The following AFAP1L1 variants were observed in gnomAD, a reference collection of about 807,000 sequenced individuals.
AFAP1L1 encodes actin filament associated protein 1 like 1, also known as actin filament-associated protein 1-like 1.
A neutral mutation model predicts 99.8 loss-of-function variants in AFAP1L1; 77 were observed. That is an observed-to-expected ratio of 0.77 (90% CI 0.64 to 0.93). The LOEUF is 0.93. Ranked by LOEUF, AFAP1L1 falls within the 40% of genes least tolerant of loss-of-function variation. The pLI is 0.00. For missense variants in AFAP1L1, 893 were observed against 996.8 expected (o/e 0.90, Z 1.40); for synonymous variants, 373 against 395.3 (o/e 0.94, Z 0.67).
chr5:149,316,087 A>G, intron 10 of AFAP1L1, 64 bp from the exon 11 acceptor site: 1 of 1,591,728 alleles, frequency 6.3e-7, no homozygotes, highest in Non-Finnish European at 8.6e-7. Flanking sequence ...AAAGGCCACA[A>G]GGAAGACTAA....
rs1252675625 is a variant in AFAP1L1 at position 149,341,475 on chromosome 5, T to C, written c.*1445T>C. On this transcript the variant is annotated 3_prime_UTR_variant, in exon 19 of 19. Transcript: ENST00000296721. ...TTGATTGCTCTGATTCTTGTTTTCCTTATCTGTGAAATGGGACTAACAATT... is the reference window on the plus strand; with the variant it reads ...TTGATTGCTCTGATTCTTGTTTTCCCTATCTGTGAAATGGGACTAACAATT... The C allele has an allele frequency of 1.3e-5, 2 of 152,242 alleles. No individual in the cohort carries two copies. Among genetic ancestry groups the C allele is most frequent in the Admixed American group, 1.3e-4 (2 of 15,288 alleles). The allele number at this position is 152,242 out of a possible 1,614,324, so 9.4% of individuals were successfully genotyped here.
At chr5:149,299,478 T>C (rs1756118465) in intron 1 of AFAP1L1, 31 bp from the exon 2 acceptor site, 1 of 1,612,862 alleles carries the variant, frequency 6.2e-7, no homozygotes, top group Non-Finnish European at 8.5e-7. Flanking sequence ...ACTGTGCAGC[T>C]GTGACTGTGC....
chr5:149,298,990 A>T (rs577449867), intron 1 of AFAP1L1, among the ~76,000 whole-genome samples: 1 of 152,344 alleles, frequency 6.6e-6, no homozygotes, highest in African/African-American at 2.4e-5. Context: ...AGGAGGGTTA[A>T]TGTTTAGTTT....
At chr5:149,327,004 A>G (rs1214144915) in intron 15 of AFAP1L1, among the ~76,000 whole-genome samples, 1 of 152,218 alleles carries the variant, frequency 6.6e-6, no homozygotes, top group Non-Finnish European at 1.5e-5. Context: ...AAAAGATACT[A>G]CAATATATTC....
intron 1 of AFAP1L1, among the ~76,000 whole-genome samples, chr5:149,297,411 A>G (rs1057489760): frequency 1.3e-5 from 2 of 152,014 alleles, no homozygotes; most frequent in African/African-American, 2.4e-5. Context: ...CCACTATCCC[A>G]TAGCTGCCAC....
intron 4 of AFAP1L1, 100 bp from the exon 5 acceptor site, chr5:149,302,318 A>G (rs1756248832): frequency 1.3e-6 from 1 of 750,146 alleles, no homozygotes; most frequent in African/African-American, 1.8e-5. Flanking sequence ...TCACATTCAC[A>G]CTGCCTCCTG....
chr5:149,310,014 G>A lies in AFAP1L1; in HGVS notation c.806G>A (p.Ser269Asn), dbSNP rs1756568655. ...CTGAGGTTGGCACTGGATACCTGCA[G>A]CATCATCTACGTGCCCAAGGACAGC... ...PHLRLALDTC[S>N]IIYVPKDSRH... Residue 269 changes from serine to asparagine, a missense_variant, in exon 8 of 19, where the codon AGC (serine) becomes AAC (asparagine). Ser to Asn is a conservative substitution (Grantham distance 46). Transcript: ENST00000296721. 4 of 1,614,238 alleles carry A rather than the reference G, an allele frequency of 2.5e-6. No individual in the cohort carries two copies. Among genetic ancestry groups the A allele is most frequent in the South Asian group, 1.1e-5 (1 of 91,076 alleles).
In AFAP1L1 at chr5:149,320,992, C is replaced by T. The variant is rs1401596053; in HGVS notation, c.1698+529C>T. The stretch of plus-strand genomic sequence containing the variant: ...ACCTGGAATGCTCCTGGCAGCATGC[C>T]CTGTGCTGTCTCCTCCCTCAGAAAG... On this transcript the variant is annotated intron_variant, in intron 14 of 18. Coordinates refer to ENST00000296721, the MANE Select transcript of AFAP1L1 (RefSeq NM_152406.4). This position sits in a 1 kb window ranked among gnomAD's most constrained non-coding sequence, Gnocchi z 4.0. Among the ~76,000 whole-genome samples, 1 of 152,216 alleles carries T rather than the reference C, an allele frequency of 6.6e-6. No homozygotes were observed. The highest frequency in any genetic ancestry group is 1.5e-5 in the Non-Finnish European group (1 of 68,052).
intron 2 of AFAP1L1, 83 bp from the exon 3 acceptor site, chr5:149,300,188 A>T: frequency 1.1e-6 from 1 of 915,586 alleles, no homozygotes; most frequent in Non-Finnish European, 1.7e-6. Context: ...ACTGTGTCCC[A>T]TGTGGGCTAG....
At chr5:149,332,645 G>A in intron 16 of AFAP1L1, 50 bp from the exon 17 acceptor site, 1 of 1,571,802 alleles carries the variant, frequency 6.4e-7, no homozygotes, top group African/African-American at 1.4e-5. Context: ...CAGATTCCCT[G>A]ACATTTCAGG....
At chr5:149,337,816 G>A (rs72838706) in intron 18 of AFAP1L1, among the ~76,000 whole-genome samples, 27,280 of 152,076 alleles carry the variant, frequency 0.18, 2,877 homozygotes, top group Middle Eastern at 0.39. Flanking sequence ...TAGGGTTGGA[G>A]CAATATACAC....
chr5:149,291,288 G>T (rs1267561587), intron 1 of AFAP1L1, among the ~76,000 whole-genome samples: 1 of 151,980 alleles, frequency 6.6e-6, no homozygotes, highest in Non-Finnish European at 1.5e-5. Flanking sequence ...CAACACTTTG[G>T]GAGGCTGAGG....
chr5:149,273,301 T>G (rs1305841303), intron 1 of AFAP1L1, among the ~76,000 whole-genome samples: 1 of 151,682 alleles, frequency 6.6e-6, no homozygotes, highest in African/African-American at 2.4e-5. Flanking sequence ...TCTGCCTGTT[T>G]GCTGTGCTGA....
intron 1 of AFAP1L1, among the ~76,000 whole-genome samples, chr5:149,285,914 C>G (rs546114905): frequency 6.6e-6 from 1 of 152,176 alleles, no homozygotes; most frequent in Non-Finnish European, 1.5e-5. Context: ...CACTTAGCCC[C>G]TCCCCAGTGC....
chr5:149,309,572 C>T (rs905931027), intron 7 of AFAP1L1, among the ~76,000 whole-genome samples: 1 of 152,162 alleles, frequency 6.6e-6, no homozygotes, highest in African/African-American at 2.4e-5. Flanking sequence ...AAACTATTGA[C>T]TTCCCAAGGC....
chr5:149,340,097 T>A lies in AFAP1L1; in HGVS notation c.*67T>A, dbSNP rs1375663745. 30 of 1,590,782 alleles carry A rather than the reference T, an allele frequency of 1.9e-5. No homozygotes were observed. The highest frequency in any genetic ancestry group is 1.7e-5 in the Non-Finnish European group (20 of 1,160,600). ...TCCACCTGAGGAAGAAATGCTTTTT[T>A]CACAAGGAGACACCAAGAGAAGACT... On this transcript the variant is annotated 3_prime_UTR_variant, in exon 19 of 19. Coordinates refer to ENST00000296721, the MANE Select transcript of AFAP1L1 (RefSeq NM_152406.4).
chr5:149,319,481 G>T (rs1731979766), intron 12 of AFAP1L1, 101 bp from the exon 13 acceptor site: 2 of 1,367,130 alleles, frequency 1.5e-6, no homozygotes, highest in African/African-American at 2.9e-5. Context: ...CGGGTACGTA[G>T]TCAGTACTTA....
chr5:149,308,946 A>T (rs940220354), intron 7 of AFAP1L1, among the ~76,000 whole-genome samples: 1 of 152,026 alleles, frequency 6.6e-6, no homozygotes, highest in Non-Finnish European at 1.5e-5. Flanking sequence ...AAAAAAAAAA[A>T]ACCAATGTTT....
At chr5:149,333,879 C>T (rs943493397) in intron 17 of AFAP1L1, among the ~76,000 whole-genome samples, 4 of 152,054 alleles carry the variant, frequency 2.6e-5, no homozygotes, top group Admixed American at 6.6e-5. Flanking sequence ...TATTATTCTT[C>T]CTCATAGCAC....
Sources: gnomAD v4.1 joint callset for allele counts (sites outside exome capture counted in the v4.1 genomes callset) on GRCh38, gnomAD v4.1.1 for gene constraint, Gnocchi (gnomAD v3.1) non-coding constraint, MANE v1.5 for transcripts, NCBI Gene and HGNC (gene_info 2026-07-23, HGNC 2026-07-21) for gene names.